SCFD2: variants seen among roughly 807,000 people sequenced by gnomAD.
The protein encoded by SCFD2 is sec1 family domain-containing protein 2.
In SCFD2, 54 loss-of-function variants were observed where a neutral mutation model predicts 58.9. The ratio of observed to expected loss-of-function variants is 0.92; its 90% CI spans 0.74 to 1.15. The LOEUF is 1.15. Ranked by LOEUF, SCFD2 falls within the 50% of genes most tolerant of loss-of-function variation. The pLI, the probability that SCFD2 is intolerant of heterozygous loss-of-function variation, is 0.00. For missense variants in SCFD2, 805 were observed against 836.6 expected (o/e 0.96, Z 0.47); for synonymous variants, 321 against 335.9 (o/e 0.96, Z 0.49).
At chr4:53,253,467 T>C (rs1000478683) in intron 4 of SCFD2, among the ~76,000 whole-genome samples, 4 of 152,028 alleles carry the variant, frequency 2.6e-5, no homozygotes, top group African/African-American at 7.2e-5. Context: ...CTATTCACAA[T>C]AGCAAAGACT....
At chr4:53,257,764 A>T in intron 4 of SCFD2, among the ~76,000 whole-genome samples, 1 of 131,526 alleles carries the variant, frequency 7.6e-6, no homozygotes, top group African/African-American at 2.7e-5. Context: ...CTCTTTCTTT[A>T]CTCTTCATTC....
In SCFD2 at chr4:53,274,604, T is replaced by A. The variant is rs144605813; in HGVS notation, c.1136-603A>T. ...TTGGTGTGGGGAACAGCACATTTGC[T>A]ACAATGGTCACCTACATTTAGAACA... On this transcript the variant is annotated intron_variant, in intron 3 of 8. Transcript: ENST00000401642. Among the ~76,000 whole-genome samples, 229 of 152,336 alleles carry A rather than the reference T, an allele frequency of 1.5e-3. 2 individuals are homozygous for A. The highest frequency in any genetic ancestry group is 6.8e-3 in the Middle Eastern group (2 of 294).
At chr4:53,008,100 C>CT (rs1479206354) in intron 5 of SCFD2, among the ~76,000 whole-genome samples, 2 of 152,180 alleles carry the variant, frequency 1.3e-5, no homozygotes, top group African/African-American at 4.8e-5. Context: ...TATGTACAAA[C>CT]ATGTGGGCAA....
At chr4:53,251,873 G>A (rs80325176) in intron 4 of SCFD2, among the ~76,000 whole-genome samples, 2 of 150,902 alleles carry the variant, frequency 1.3e-5, no homozygotes, top group Admixed American at 6.6e-5. Context: ...AGTGTTGGAA[G>A]TTCTGGCCAG....
At chr4:53,236,027 A>G (rs1403085828) in intron 4 of SCFD2, among the ~76,000 whole-genome samples, 1 of 152,170 alleles carries the variant, frequency 6.6e-6, no homozygotes, top group African/African-American at 2.4e-5. Context: ...GTAAACTTGG[A>G]TTGAAGGATA....
At chr4:52,985,192 G>A (rs1407550814) in intron 5 of SCFD2, among the ~76,000 whole-genome samples, 1 of 152,102 alleles carries the variant, frequency 6.6e-6, no homozygotes, top group African/African-American at 2.4e-5. Context: ...CTGCTCCTTC[G>A]CAGTAAGGGT....
chr4:52,914,889 TAA>T (rs918463479), intron 6 of SCFD2, among the ~76,000 whole-genome samples: 2 of 152,064 alleles, frequency 1.3e-5, no homozygotes, highest in Admixed American at 6.6e-5. Context: ...TGGTAGAGCT[TAA>T]AGAGACCCCT....
intron 2 of SCFD2, among the ~76,000 whole-genome samples, chr4:53,337,783 AG>A (rs1351364231): frequency 2.0e-5 from 3 of 152,234 alleles, no homozygotes; most frequent in African/African-American, 7.2e-5. Flanking sequence ...CTTTATGCCT[AG>A]TGAAAGAATC....
At chr4:53,038,007 T>C (rs1202085727) in intron 5 of SCFD2, among the ~76,000 whole-genome samples, 1 of 152,144 alleles carries the variant, frequency 6.6e-6, no homozygotes, top group African/African-American at 2.4e-5. Context: ...TGAAAATTTT[T>C]ATTAAGTCTG....
intron 4 of SCFD2, among the ~76,000 whole-genome samples, chr4:53,251,854 A>T (rs943615458): frequency 1.5e-4 from 22 of 151,320 alleles, no homozygotes; most frequent in African/African-American, 5.1e-4. Flanking sequence ...CACCACTCCT[A>T]TTCAACACAG....
At chr4:53,012,353 CTT>C (rs1242393279) in intron 5 of SCFD2, among the ~76,000 whole-genome samples, 1 of 116,600 alleles carries the variant, frequency 8.6e-6, no homozygotes, top group Non-Finnish European at 1.9e-5. Flanking sequence ...CTCTCTCTCT[CTT>C]TCTCTCTCTC....
intron 5 of SCFD2, among the ~76,000 whole-genome samples, chr4:53,046,922 T>C (rs1277783274): frequency 8.5e-5 from 13 of 152,160 alleles, no homozygotes; most frequent in Admixed American, 4.6e-4. Flanking sequence ...TCCACCTGCA[T>C]TGGTCTCCCA....
At chr4:53,223,274 G>A (rs1213004573) in intron 4 of SCFD2, among the ~76,000 whole-genome samples, 3 of 152,108 alleles carry the variant, frequency 2.0e-5, no homozygotes, top group Non-Finnish European at 4.4e-5. Context: ...TCATGTTGAG[G>A]TTTAAAGAAA....
chr4:52,896,820 A>G (rs1719027851), intron 7 of SCFD2, among the ~76,000 whole-genome samples: 1 of 152,054 alleles, frequency 6.6e-6, no homozygotes, highest in African/African-American at 2.4e-5. Flanking sequence ...ATTTGTTTGT[A>G]TCCTCTTTTA....
intron 5 of SCFD2, among the ~76,000 whole-genome samples, chr4:53,133,025 T>C (rs1432991813): frequency 2.0e-5 from 3 of 152,150 alleles, no homozygotes; most frequent in Non-Finnish European, 4.4e-5. Context: ...TAGCTCCTTG[T>C]CTTTTACAAT....
intron 5 of SCFD2, among the ~76,000 whole-genome samples, chr4:53,030,720 C>G (rs1424019890): frequency 3.3e-5 from 5 of 152,178 alleles, no homozygotes; most frequent in African/African-American, 1.2e-4. Context: ...CCACACCCGG[C>G]CAATCTAGCA....
intron 3 of SCFD2, among the ~76,000 whole-genome samples, chr4:53,277,344 T>C (rs1475067829): frequency 6.6e-6 from 1 of 152,218 alleles, no homozygotes. Flanking sequence ...GTTTCAAAAC[T>C]TAAGATTGCC....
intron 4 of SCFD2, among the ~76,000 whole-genome samples, chr4:53,237,928 G>A (rs1300602071): frequency 4.9e-4 from 57 of 117,174 alleles, no homozygotes; most frequent in South Asian, 2.5e-3. Flanking sequence ...CCTCCCTTCC[G>A]GACGGGGCGG....
At chr4:53,151,564 G>A (rs1267864966) in intron 4 of SCFD2, among the ~76,000 whole-genome samples, 3 of 152,316 alleles carry the variant, frequency 2.0e-5, no homozygotes, top group East Asian at 1.9e-4. Context: ...GGCATGAGGA[G>A]CAAACAGGCT....
Sources: gnomAD v4.1 joint callset for allele counts (sites outside exome capture counted in the v4.1 genomes callset) on GRCh38, gnomAD v4.1.1 for gene constraint, MANE v1.5 for transcripts, NCBI Gene and HGNC (gene_info 2026-07-23, HGNC 2026-07-21) for gene names.